The following AFG2A variants were observed in gnomAD, a reference collection of about 807,000 sequenced individuals.
AFG2A encodes AAA ATPase AFG2A, also known as ATPase family gene 2 protein homolog A.
At chr4:123,009,436 A>G in the AFG2A span, among the ~76,000 whole-genome samples, 1 of 152,354 alleles carries the variant, frequency 6.6e-6, no homozygotes, top group African/African-American at 2.4e-5. Flanking sequence ...CCCAAGGTAC[A>G]TACATACTGG....
At chr4:123,204,843 T>C in the AFG2A span, among the ~76,000 whole-genome samples, 1 of 152,226 alleles carries the variant, frequency 6.6e-6, no homozygotes, top group Non-Finnish European at 1.5e-5. Flanking sequence ...GAACTGGCTC[T>C]TCCCAGTTTG....
the AFG2A span, among the ~76,000 whole-genome samples, chr4:123,282,088 ATT>A: frequency 6.6e-6 from 1 of 152,156 alleles, no homozygotes; most frequent in Non-Finnish European, 1.5e-5. Context: ...GATGTGAGTT[ATT>A]GAGTATAGTG....
the AFG2A span, among the ~76,000 whole-genome samples, chr4:123,123,882 G>A: frequency 8.0e-5 from 12 of 149,480 alleles, no homozygotes; most frequent in Non-Finnish European, 1.8e-4. Context: ...AACCCGGGAG[G>A]CGGAGCTTGC....
chr4:123,095,117 C>T, the AFG2A span, among the ~76,000 whole-genome samples: 3 of 143,874 alleles, frequency 2.1e-5, no homozygotes, highest in Middle Eastern at 3.7e-3. Flanking sequence ...TCCACACTTT[C>T]CTCACATCCC....
At chr4:123,179,553 A>G in the AFG2A span, among the ~76,000 whole-genome samples, 2 of 152,106 alleles carry the variant, frequency 1.3e-5, no homozygotes, top group African/African-American at 4.8e-5. Flanking sequence ...TAGTAGAGAT[A>G]GAGTTTCACC....
chr4:123,007,600 GTGTGTGTGTA>G, the AFG2A span, among the ~76,000 whole-genome samples: 20 of 9,358 alleles, frequency 2.1e-3, 1 homozygote, highest in South Asian at 0.012. Context: ...GTGTGTGTGT[GTGTGTGTGTA>G]TATATATATA....
At chr4:123,141,734 C>A in the AFG2A span, among the ~76,000 whole-genome samples, 7 of 152,000 alleles carry the variant, frequency 4.6e-5, no homozygotes, top group African/African-American at 1.7e-4. Context: ...AGTTTTTTGC[C>A]CACTTTTGAG....
chr4:122,937,298 C>T, the AFG2A span, among the ~76,000 whole-genome samples: 800 of 152,242 alleles, frequency 5.3e-3, 7 homozygotes, highest in African/African-American at 0.018. Flanking sequence ...TGATCCTCCC[C>T]CTGTAGCCTC....
the AFG2A span, among the ~76,000 whole-genome samples, chr4:123,143,086 A>C: frequency 6.6e-6 from 1 of 152,010 alleles, no homozygotes; most frequent in Non-Finnish European, 1.5e-5. Flanking sequence ...GTATAATGCA[A>C]ATATTACAAA....
At chr4:123,007,596 G>A in the AFG2A span, among the ~76,000 whole-genome samples, 990 of 8,022 alleles carry the variant, frequency 0.12, 26 homozygotes, top group East Asian at 0.37. Flanking sequence ...GTGTGTGTGT[G>A]TGTGTGTGTG....
At chr4:123,118,353 TTATA>T in the AFG2A span, among the ~76,000 whole-genome samples, 1 of 129,856 alleles carries the variant, frequency 7.7e-6, no homozygotes, top group African/African-American at 3.1e-5. Flanking sequence ...ATTATATATA[TTATA>T]TATATATATA....
At chr4:123,075,386 CCT>C in the AFG2A span, among the ~76,000 whole-genome samples, 1 of 151,764 alleles carries the variant, frequency 6.6e-6, no homozygotes, top group South Asian at 2.1e-4. Flanking sequence ...GTAACCTTCG[CCT>C]CCCAGGTTCA....
chr4:123,112,595 T>C, the AFG2A span, among the ~76,000 whole-genome samples: 4 of 152,214 alleles, frequency 2.6e-5, no homozygotes, highest in Non-Finnish European at 4.4e-5. Flanking sequence ...AATAGTGATA[T>C]GGAATCATTT....
At chr4:122,974,856 T>C in the AFG2A span, among the ~76,000 whole-genome samples, 1 of 151,992 alleles carries the variant, frequency 6.6e-6, no homozygotes, top group Non-Finnish European at 1.5e-5. Context: ...GTCAGGCTGG[T>C]CTCGAACTCT....
the AFG2A span, among the ~76,000 whole-genome samples, chr4:123,192,461 G>C: frequency 2.6e-5 from 4 of 152,206 alleles, no homozygotes; most frequent in South Asian, 8.3e-4. Flanking sequence ...ACCATCTAAA[G>C]ATGGAGGCTA....
the AFG2A span, among the ~76,000 whole-genome samples, chr4:123,166,784 G>A: frequency 9.2e-5 from 14 of 152,206 alleles, no homozygotes; most frequent in African/African-American, 3.4e-4. Context: ...CAAATATAAT[G>A]CTATGGATGT....
chr4:123,105,621 C>T, the AFG2A span, among the ~76,000 whole-genome samples: 6 of 152,032 alleles, frequency 3.9e-5, no homozygotes, highest in African/African-American at 1.5e-4. Flanking sequence ...AATACGTCAA[C>T]TTTAACAGGA....
chr4:123,037,246 TAAAATAATGAAGCACAGTA>T, the AFG2A span, among the ~76,000 whole-genome samples: 766 of 152,214 alleles, frequency 5.0e-3, 7 homozygotes, highest in African/African-American at 0.017. Flanking sequence ...TGATATGATG[TAAAATAATGAAGCACAGTA>T]AAAAGATAAG....
the AFG2A span, among the ~76,000 whole-genome samples, chr4:123,050,534 CT>C: frequency 2.0e-5 from 3 of 152,076 alleles, no homozygotes; most frequent in Non-Finnish European, 4.4e-5. Context: ...GCTGATTTGA[CT>C]TTTCTAAATC....
Sources: gnomAD v4.1 joint callset for allele counts (sites outside exome capture counted in the v4.1 genomes callset) on GRCh38, gnomAD v4.1.1 for gene constraint, MANE v1.5 for transcripts, NCBI Gene and HGNC (gene_info 2026-07-23, HGNC 2026-07-21) for gene names.